Variants in CORO1C observed in about 807,000 individuals in gnomAD.
CORO1C encodes coronin 1C, also known as coronin-1C.
CORO1C carries 14 observed loss-of-function variants against 51.2 expected under a neutral mutation model. That is an observed-to-expected ratio of 0.27 (90% CI 0.18 to 0.43). CORO1C has a LOEUF of 0.43. CORO1C is among the 20% of genes least tolerant of loss of function. The pLI is 1.00. For missense variants in CORO1C, 417 were observed against 607.8 expected (o/e 0.69, Z 3.30); for synonymous variants, 181 against 210.5 (o/e 0.86, Z 1.21).
At chr12:108,661,301 G>T (rs1197314539) in intron 4 of CORO1C, among the ~76,000 whole-genome samples, 2 of 152,128 alleles carry the variant, frequency 1.3e-5, no homozygotes, top group African/African-American at 4.8e-5. Flanking sequence ...GTAAAATGAG[G>T]TATATCCAGA....
intron 3 of CORO1C, among the ~76,000 whole-genome samples, chr12:108,675,941 G>A (rs1231479102): frequency 2.6e-5 from 4 of 152,088 alleles, no homozygotes; most frequent in African/African-American, 9.7e-5. Context: ...GCAACATGAG[G>A]GTACAATCAG....
At chr12:108,714,511 G>A (rs142724229) in intron 1 of CORO1C, among the ~76,000 whole-genome samples, 19 of 151,968 alleles carry the variant, frequency 1.3e-4, no homozygotes, top group African/African-American at 3.9e-4. Flanking sequence ...AGGTGCGGTG[G>A]TTCACACCTG....
chr12:108,671,735 G>A (rs939745145), intron 3 of CORO1C, among the ~76,000 whole-genome samples: 1 of 152,094 alleles, frequency 6.6e-6, no homozygotes, highest in Non-Finnish European at 1.5e-5. Context: ...AGTTACTCAA[G>A]GAAAAACTGT....
At chr12:108,687,650 T>C (rs2034344185) in intron 2 of CORO1C, among the ~76,000 whole-genome samples, 3 of 151,672 alleles carry the variant, frequency 2.0e-5, no homozygotes, top group South Asian at 2.1e-4. Context: ...CTGCGCTTGA[T>C]GGTGTGTGCC....
At position 108,648,698 on chromosome 12, in the gene CORO1C, C is replaced by T. The variant is rs2032494959; in HGVS notation, c.1212G>A (p.Val404=). ...YIPGKNRDLK[V]VKKNILDSKP... is the part of the protein sequence containing the mutation. ...TGCTATCCAGAATGTTCTTCTTGAC[C>T]ACCTTGAGATCCCTGTTTTTGCCTG... The change falls in exon 10 of 11, where the codon GTG becomes GTA. Residue 404 remains valine (V), a synonymous_variant. Transcript: ENST00000261401. 6 of 1,614,040 alleles carry T rather than the reference C, an allele frequency of 3.7e-6. No individual in the cohort carries two copies. The highest frequency in any genetic ancestry group is 1.3e-5 in the African/African-American group (1 of 74,912).
intron 1 of CORO1C, among the ~76,000 whole-genome samples, chr12:108,726,222 C>G (rs1284953926): frequency 6.6e-6 from 1 of 152,002 alleles, no homozygotes; most frequent in African/African-American, 2.4e-5. Flanking sequence ...TCGAGATCAT[C>G]CTGGCTAACA....
At chr12:108,712,265 T>TA (rs200378163) in intron 1 of CORO1C, among the ~76,000 whole-genome samples, 2,430 of 152,062 alleles carry the variant, frequency 0.016, 33 homozygotes, top group Non-Finnish European at 0.024. Context: ...ATGCCAACAG[T>TA]AAAAAATTCC....
At chr12:108,715,905 G>C (rs1378424000) in intron 1 of CORO1C, among the ~76,000 whole-genome samples, 1 of 151,588 alleles carries the variant, frequency 6.6e-6, no homozygotes, top group Admixed American at 6.6e-5. Flanking sequence ...AGGCCGAGGC[G>C]GGTGGATCAC....
intron 1 of CORO1C, chr12:108,730,429 CA>C (rs1191554714): frequency 6.6e-6 from 1 of 152,406 alleles, no homozygotes; most frequent in Non-Finnish European, 1.5e-5. Flanking sequence ...TCCCCCAACA[CA>C]TTCAAATCAT....
In CORO1C at chr12:108,680,584, C is replaced by T. The variant is rs138394832; in HGVS notation, c.196-2190G>A. 4.1e-3 allele frequency among the ~76,000 whole-genome samples: 629 copies of T among 152,288 alleles called. 5 individuals are homozygous for T. The highest frequency in any genetic ancestry group is 0.014 in the African/African-American group (593 of 41,562). The stretch of plus-strand genomic sequence containing the variant: ...GTCCTAGCCAAATTACTCCATCCCT[C>T]AACCTCGGTTCCTCATCTATAAAAC... On this transcript the variant is annotated intron_variant, in intron 2 of 10. Coordinates refer to ENST00000261401, the MANE Select transcript of CORO1C (RefSeq NM_014325.4).
At chr12:108,726,848 T>C (rs574513547) in intron 1 of CORO1C, among the ~76,000 whole-genome samples, 1 of 152,270 alleles carries the variant, frequency 6.6e-6, no homozygotes, top group African/African-American at 2.4e-5. Context: ...CGCCAGTCAT[T>C]ACTGTTCATC....
chr12:108,684,715 G>A (rs1267532201), intron 2 of CORO1C, among the ~76,000 whole-genome samples: 1 of 151,844 alleles, frequency 6.6e-6, no homozygotes, highest in Non-Finnish European at 1.5e-5. Context: ...TTCAAAAAGG[G>A]GAGATATGAA....
intron 1 of CORO1C, among the ~76,000 whole-genome samples, chr12:108,707,731 A>G (rs1396684086): frequency 1.3e-5 from 2 of 152,238 alleles, no homozygotes; most frequent in African/African-American, 2.4e-5. Context: ...TGCAAACTTT[A>G]TATCTGATAA....
At chr12:108,717,900 A>G (rs923193709) in intron 1 of CORO1C, among the ~76,000 whole-genome samples, 3 of 152,196 alleles carry the variant, frequency 2.0e-5, no homozygotes, top group Non-Finnish European at 2.9e-5. Context: ...GCTTGAAGAA[A>G]AACGTATTGA....
At chr12:108,719,969 G>A (rs1402662439) in intron 1 of CORO1C, among the ~76,000 whole-genome samples, 1 of 152,170 alleles carries the variant, frequency 6.6e-6, no homozygotes, top group African/African-American at 2.4e-5. Flanking sequence ...AGGATCACTT[G>A]AGCCCAAGAG....
chr12:108,716,127 CAAAAAAAAAAAAAAA>C (rs61278729), intron 1 of CORO1C, among the ~76,000 whole-genome samples: 13 of 41,098 alleles, frequency 3.2e-4, no homozygotes, highest in East Asian at 7.6e-4. Flanking sequence ...GACTCTGTCG[CAAAAAAAAAAAAAAA>C]AAAAAAAAAA....
chr12:108,649,137 C>A, intron 8 of CORO1C, 117 bp from the exon 9 acceptor site: 1 of 1,177,678 alleles, frequency 8.5e-7, no homozygotes. Flanking sequence ...TTTACCCATC[C>A]CCACATCTGA....
intron 3 of CORO1C, among the ~76,000 whole-genome samples, chr12:108,677,793 C>A (rs1407263545): frequency 2.0e-5 from 3 of 152,036 alleles, no homozygotes; most frequent in South Asian, 2.1e-4. Flanking sequence ...CCGAGGCAGG[C>A]GGATCACTTG....
At chr12:108,728,025 A>G (rs1452178035) in intron 1 of CORO1C, among the ~76,000 whole-genome samples, 1 of 152,244 alleles carries the variant, frequency 6.6e-6, no homozygotes, top group African/African-American at 2.4e-5. Context: ...AACACAGATG[A>G]CTAGAATCAA....
Sources: gnomAD v4.1 joint callset for allele counts (sites outside exome capture counted in the v4.1 genomes callset) on GRCh38, gnomAD v4.1.1 for gene constraint, MANE v1.5 for transcripts, NCBI Gene and HGNC (gene_info 2026-07-23, HGNC 2026-07-21) for gene names.